The following SLC26A1 variants were observed in gnomAD, a reference collection of about 807,000 sequenced individuals.
The protein encoded by SLC26A1 is solute carrier family 26 member 1.
In SLC26A1, 18 loss-of-function variants were observed where a neutral mutation model predicts 14.5. That is an observed-to-expected ratio of 1.24 (90% CI 0.86 to 1.84). SLC26A1 has a LOEUF of 1.84. Among genes scored for constraint, SLC26A1 ranks in the 40% most tolerant of loss-of-function variants. The probability of loss-of-function intolerance (pLI) is 0.00; values close to 1 mark genes in which losing one functional copy is unlikely to be tolerated. For synonymous variants in SLC26A1, 505 were observed against 492.0 expected (o/e 1.03, Z -0.35); for missense variants, 1,049 against 1,020.0 (o/e 1.03, Z -0.39).
rs10008164 is a variant in SLC26A1 at position 979,583 on chromosome 4, G to A, written c.577-79C>T. 5.2e-3 allele frequency: 8,264 copies of A among 1,578,024 alleles called. 356 individuals carry two copies. The African/African-American group carries it at 0.094, about 18-fold the overall frequency. ...CTCCACAGCCAAACGTCCCCCTGCC[G>A]GGCCCCAAAGTGCCCACTGCCTCTC... On this transcript the variant is annotated intron_variant, in intron 2 of 2. Transcript: ENST00000398520.
At position 988,148 on chromosome 4, in the gene SLC26A1, G is replaced by C; in HGVS notation, c.*685C>G. On this transcript the variant is annotated 3_prime_UTR_variant, in exon 3 of 3. Coordinates refer to ENST00000398516, the MANE Select transcript of SLC26A1 (RefSeq NM_022042.4). ...GGAGCCCCTGCATGGGGCACGGTGG[G>C]CTTCCTGCAGGTCTCCCTGCAGGCT... 1 of 1,402,240 alleles carries C rather than the reference G, an allele frequency of 7.1e-7. No homozygotes were observed. The highest frequency in any genetic ancestry group is 9.3e-7 in the Non-Finnish European group (1 of 1,080,056). The allele number at this position is 1,402,240 out of a possible 1,614,324, so 86.9% of individuals were successfully genotyped here.
rs1290996042 is a variant in SLC26A1, at chr4:990,259, T to A, written c.680A>T (p.Gln227Leu). 6.3e-7 allele frequency: 1 copy of A among 1,591,894 alleles called. No individual in the cohort carries two copies. The highest frequency in any genetic ancestry group is 8.5e-7 in the Non-Finnish European group (1 of 1,171,116). ...CCGCACGCCCAGCAGGTGTTTGAGCTGCGAGGTCAGGATGGTCACGGAGGC... is the reference window on the plus strand; with the variant it reads ...CCGCACGCCCAGCAGGTGTTTGAGCAGCGAGGTCAGGATGGTCACGGAGGC... ...MGASVTILTSQLKHLLGVRIP... is the reference protein window; with the variant it reads ...MGASVTILTSLLKHLLGVRIP... The change falls in exon 3 of 3, where the codon CAG becomes CTG. Residue 227 changes from glutamine (Q) to leucine (L), a missense_variant. Transcript: ENST00000398516.
intron 1 of SLC26A1, chr4:992,054 C>T (rs1164562622): frequency 1.6e-5 from 9 of 560,178 alleles, no homozygotes; most frequent in Non-Finnish European, 2.4e-5. Flanking sequence ...ATTGGCTCTG[C>T]GGTTCCTGGC....
At chr4:981,316 T>C (rs1368634171) in intron 2 of SLC26A1, among the ~76,000 whole-genome samples, 1 of 152,072 alleles carries the variant, frequency 6.6e-6, no homozygotes, top group African/African-American at 2.4e-5. Flanking sequence ...AAATTTTACG[T>C]CCAAATAAAA....
chr4:987,363 C>A (rs947677194), downstream of SLC26A1: 106 of 998,872 alleles, frequency 1.1e-4, 1 homozygote, highest in Non-Finnish European at 1.3e-4. Flanking sequence ...CTGGCTCTCC[C>A]GGGCCCGCCC....
At position 987,734 on chromosome 4, in the gene SLC26A1, G is replaced by A. The variant is rs779748908; in HGVS notation, c.*1099C>T. ...GGATCCTGCGCCCGGGCAGTCCTGG[G>A]CTTGAACGTGTGTGTCAGCCGCGCT... On this transcript the variant is annotated 3_prime_UTR_variant, in exon 3 of 3. Coordinates refer to ENST00000398516, the MANE Select transcript of SLC26A1 (RefSeq NM_022042.4). The A allele has an allele frequency of 9.4e-6, 15 of 1,600,764 alleles. No individual in the cohort carries two copies. The highest frequency in any genetic ancestry group is 1.7e-5 in the Admixed American group (1 of 58,778).
intron 2 of SLC26A1, among the ~76,000 whole-genome samples, chr4:979,823 G>A (rs1042765878): frequency 3.9e-5 from 6 of 152,228 alleles, no homozygotes; most frequent in Admixed American, 2.0e-4. Context: ...TGTTGGCAGC[G>A]CCACACTCCC....
chr4:985,808 A>G, downstream of SLC26A1, among the ~76,000 whole-genome samples: 1 of 151,358 alleles, frequency 6.6e-6, no homozygotes. Context: ...CAATATTTTA[A>G]CCCCTCTCCC....
Position 991,458 on chromosome 4 carries a change from G to C in SLC26A1, c.246C>G (p.Ile82Met). ...DVMSGLVIGIILVPQAIAYSL... is the reference protein window; with the variant it reads ...DVMSGLVIGIMLVPQAIAYSL... ...AGTAGGCGATGGCCTGCGGCACCAG[G>C]ATGATGCCGATGACCAGCCCAGACA... The change falls in exon 2 of 3, where the codon ATC becomes ATG. Residue 82 changes from isoleucine to methionine, a missense_variant. By Grantham distance (10) the Ile-to-Met change is conservative. Transcript: ENST00000398516. 3 of 1,612,644 alleles carry C rather than the reference G, an allele frequency of 1.9e-6. No homozygotes were observed. The highest frequency in any genetic ancestry group is 2.2e-5 in the South Asian group (2 of 91,082).
At position 980,048 on chromosome 4, in the gene SLC26A1, T is replaced by C. The variant is rs1053811122; in HGVS notation, c.577-544A>G. Among the ~76,000 whole-genome samples the C allele has an allele frequency of 1.1e-4, 16 of 152,052 alleles. 1 individual carries two copies. The highest frequency in any genetic ancestry group is 6.3e-3 in the Middle Eastern group (2 of 316). The stretch of plus-strand genomic sequence containing the variant: ...ACGGAGTGGAGGGAGCCCCAGTTCA[T>C]GGGGGCTCTGCGGGAAGGGCAAATG... On this transcript the variant is annotated intron_variant, in intron 2 of 2. Transcript: ENST00000398520.
At chr4:986,892 G>C, downstream of SLC26A1, 1 of 666,644 alleles carries the variant, frequency 1.5e-6, no homozygotes, top group Non-Finnish European at 2.7e-6. Flanking sequence ...AGGAAGCGGG[G>C]CTCCAAGCCC....
chr4:988,914 C>T lies in SLC26A1; in HGVS notation c.2025G>A (p.Gln675=), dbSNP rs1713966638. The T allele has an allele frequency of 1.9e-6, 3 of 1,604,590 alleles. No individual in the cohort carries two copies. The highest frequency in any genetic ancestry group is 2.5e-6 in the Non-Finnish European group (3 of 1,176,550). The stretch of plus-strand genomic sequence containing the variant: ...CGGCATCGTGCACACTGAGGAACAG[C>T]TGCTCCTCCTCAGCCGTGTCCCCGG... ...EGPGDTAEEE[Q]LFLSVHDAVQ... The change falls in exon 3 of 3, where the codon CAG becomes CAA. Residue 675 remains glutamine (Q), a synonymous_variant. Transcript: ENST00000398516.
intron 2 of SLC26A1, chr4:979,564 A>G: frequency 1.3e-6 from 2 of 1,598,866 alleles, no homozygotes; most frequent in Non-Finnish European, 1.7e-6. Context: ...ACGTCTCCAC[A>G]GCCAAACGTC....
exon 3 of SLC26A1, chr4:979,464 T>C: frequency 6.2e-7 from 1 of 1,613,834 alleles, no homozygotes; most frequent in Non-Finnish European, 8.5e-7. Flanking sequence ...CTGTGTTAAT[T>C]GCCATGGGTG....
downstream of SLC26A1, among the ~76,000 whole-genome samples, chr4:984,403 G>A (rs1012573923): frequency 2.6e-5 from 4 of 152,104 alleles, no homozygotes; most frequent in African/African-American, 9.7e-5. Flanking sequence ...TAAATTTATT[G>A]TTTTGCTTTA....
chr4:983,645 T>C (rs975735344), downstream of SLC26A1, among the ~76,000 whole-genome samples: 3 of 152,242 alleles, frequency 2.0e-5, no homozygotes, highest in African/African-American at 7.2e-5. Context: ...CCTTTAGGTC[T>C]TTGCTCTGAA....
chr4:992,588 A>C, intron 1 of SLC26A1: 2 of 199,950 alleles, frequency 1.0e-5, no homozygotes, highest in Middle Eastern at 2.0e-3. Context: ...CTGGGACGTG[A>C]GGCGCCCTTT....
At chr4:990,904 G>A in intron 2 of SLC26A1, 1 of 536,668 alleles carries the variant, frequency 1.9e-6, no homozygotes. Context: ...TGGCCCACCG[G>A]ACTGGCTCCC....
rs778198903 is a variant in SLC26A1, at chr4:989,183, C to T, written c.1756G>A (p.Gly586Ser). ...GGSETGVGEG[G>S]PAQGEDLGPV... ...CCCAGGTCCTCGCCCTGGGCAGGGC[C>T]TCCCTCACCGACCCCCGTCTCTGAG... Residue 586 changes from glycine (G) to serine (S), a missense_variant, in exon 3 of 3, where the codon GGC becomes AGC. Physicochemically the swap from Gly to Ser is moderately conservative, Grantham distance 56 (BLOSUM62 0). Coordinates refer to ENST00000398516, the MANE Select transcript of SLC26A1 (RefSeq NM_022042.4). 17 of 1,607,712 alleles carry T rather than the reference C, an allele frequency of 1.1e-5. 1 individual carries two copies. In the South Asian group the frequency reaches 1.8e-4, roughly 17 times the overall value.
Sources: allele counts gnomAD v4.1 joint callset (sites outside exome capture counted in the v4.1 genomes callset), GRCh38; gene constraint gnomAD v4.1.1; transcripts MANE v1.5; gene names NCBI Gene and HGNC (gene_info 2026-07-23, HGNC 2026-07-21).